FRMD3: variants seen among roughly 807,000 people sequenced by gnomAD.
FRMD3 encodes the protein FERM domain-containing protein 3.
In FRMD3, 33 loss-of-function variants were observed where a neutral mutation model predicts 70.2. That is an observed-to-expected ratio of 0.47 (90% confidence interval 0.36 to 0.63). FRMD3 has a LOEUF of 0.63. Among genes scored for constraint, FRMD3 ranks in the 20% least tolerant of loss-of-function variants. FRMD3 has a pLI of 0.00. For missense variants in FRMD3, 632 were observed against 711.4 expected (o/e 0.89, Z 1.27); for synonymous variants, 279 against 255.9 (o/e 1.09, Z -0.86).
At chr9:83,388,207 T>C (rs930882904) in intron 2 of FRMD3, among the ~76,000 whole-genome samples, 1 of 152,190 alleles carries the variant, frequency 6.6e-6, no homozygotes, top group Non-Finnish European at 1.5e-5. Context: ...AAATCTAATC[T>C]ATTCCTTAAA....
chr9:83,244,264 A>G (rs1831979430), downstream of FRMD3, among the ~76,000 whole-genome samples: 1 of 152,166 alleles, frequency 6.6e-6, no homozygotes, highest in Non-Finnish European at 1.5e-5. Flanking sequence ...TTTTCTGGCC[A>G]GTGATGATAA....
chr9:83,506,867 C>G (rs1306039634), intron 1 of FRMD3, among the ~76,000 whole-genome samples: 1 of 152,096 alleles, frequency 6.6e-6, no homozygotes, highest in Non-Finnish European at 1.5e-5. Context: ...TATCCTTATT[C>G]TATAAGCTTT....
intron 1 of FRMD3, among the ~76,000 whole-genome samples, chr9:83,526,887 T>C (rs1829694990): frequency 6.6e-6 from 1 of 152,112 alleles, no homozygotes; most frequent in Non-Finnish European, 1.5e-5. Context: ...CTTTTTTTTT[T>C]TTTTTCTTTT....
intron 6 of FRMD3, among the ~76,000 whole-genome samples, chr9:83,321,714 A>G (rs1301647306): frequency 6.6e-6 from 1 of 152,204 alleles, no homozygotes; most frequent in Non-Finnish European, 1.5e-5. Context: ...GTCCAACTTC[A>G]GTTCAAAGTT....
chr9:83,392,918 GA>G (rs200588697), intron 1 of FRMD3, among the ~76,000 whole-genome samples: 6 of 150,896 alleles, frequency 4.0e-5, no homozygotes, highest in Admixed American at 2.0e-4. Context: ...ATTGAGCAGA[GA>G]AAAAAAAATC....
chr9:83,379,007 T>C (rs1350091564), intron 2 of FRMD3, among the ~76,000 whole-genome samples: 1 of 151,130 alleles, frequency 6.6e-6, no homozygotes, highest in Admixed American at 6.7e-5. Flanking sequence ...TGATTAACTG[T>C]GTGAGCCACC....
intron 13 of FRMD3, among the ~76,000 whole-genome samples, chr9:83,272,791 C>T (rs1289820322): frequency 5.3e-5 from 8 of 150,970 alleles, no homozygotes; most frequent in African/African-American, 1.9e-4. Flanking sequence ...TCTGCCCCGC[C>T]GCCCCGTCTG....
intron 1 of FRMD3, among the ~76,000 whole-genome samples, chr9:83,412,419 T>C (rs1197653162): frequency 6.6e-6 from 1 of 152,240 alleles, no homozygotes; most frequent in South Asian, 2.1e-4. Context: ...TTTTAAGATA[T>C]ATAGTATGAG....
At chr9:83,377,769 C>T (rs1825195165) in intron 2 of FRMD3, among the ~76,000 whole-genome samples, 1 of 152,126 alleles carries the variant, frequency 6.6e-6, no homozygotes, top group South Asian at 2.1e-4. Context: ...GCCAACTAAA[C>T]CTGTTTTCTT....
intron 1 of FRMD3, among the ~76,000 whole-genome samples, chr9:83,448,397 C>T (rs1237503008): frequency 6.6e-6 from 1 of 152,134 alleles, no homozygotes; most frequent in African/African-American, 2.4e-5. Flanking sequence ...ATGAGGACTA[C>T]CCCACTGCTG....
chr9:83,326,488 C>T (rs551285021), intron 6 of FRMD3, among the ~76,000 whole-genome samples: 1 of 152,240 alleles, frequency 6.6e-6, no homozygotes, highest in South Asian at 2.1e-4. Flanking sequence ...AAACTAACTG[C>T]AAATGCTCAG....
chr9:83,301,041 G>A (rs1282637146), intron 10 of FRMD3, among the ~76,000 whole-genome samples: 1 of 152,206 alleles, frequency 6.6e-6, no homozygotes, highest in African/African-American at 2.4e-5. Context: ...AGATGGGCAA[G>A]GGAGGGCACA....
At position 83,254,177 on chromosome 9, in the gene FRMD3, A is replaced by G. The variant is rs190958539; in HGVS notation, c.1196-5661T>C. Among the ~76,000 whole-genome samples, 324 of 152,232 alleles carry G rather than the reference A, an allele frequency of 2.1e-3. 2 individuals are homozygous for G. The highest frequency in any genetic ancestry group is 2.9e-3 in the Non-Finnish European group (200 of 68,020). On this transcript the variant is annotated intron_variant, in intron 13 of 13. Coordinates refer to ENST00000304195, the MANE Select transcript of FRMD3 (RefSeq NM_174938.6). ...TATACCTAATGTAAATGACAAGTTA[A>G]TGGGTGCAGTACACCAACATGGCAC...
chr9:83,295,144 T>C (rs1409185956), intron 12 of FRMD3, among the ~76,000 whole-genome samples: 1 of 152,236 alleles, frequency 6.6e-6, no homozygotes. Context: ...AGGTTTCCTT[T>C]GGGAACTACA....
intron 1 of FRMD3, among the ~76,000 whole-genome samples, chr9:83,517,628 C>G (rs1240231964): frequency 6.6e-6 from 1 of 152,068 alleles, no homozygotes; most frequent in Non-Finnish European, 1.5e-5. Context: ...GGACTCATCC[C>G]TAACTCAATA....
intron 1 of FRMD3, among the ~76,000 whole-genome samples, chr9:83,522,656 CAGGTT>C (rs1829600537): frequency 6.6e-6 from 1 of 151,324 alleles, no homozygotes; most frequent in African/African-American, 2.4e-5. Context: ...CTCCGCCTCC[CAGGTT>C]CACACCATTC....
At chr9:83,516,085 C>A (rs1829448729) in intron 1 of FRMD3, among the ~76,000 whole-genome samples, 1 of 152,116 alleles carries the variant, frequency 6.6e-6, no homozygotes. Context: ...AACCAGCTAG[C>A]ATCATAATGA....
intron 1 of FRMD3, among the ~76,000 whole-genome samples, chr9:83,514,051 C>T (rs529528089): frequency 6.6e-6 from 1 of 152,310 alleles, no homozygotes; most frequent in East Asian, 1.9e-4. Context: ...TGGGCAGACA[C>T]CGAGCTAGCT....
chr9:83,414,901 C>G (rs989555325), intron 1 of FRMD3, among the ~76,000 whole-genome samples: 2 of 152,194 alleles, frequency 1.3e-5, no homozygotes, highest in Non-Finnish European at 2.9e-5. Context: ...TAGAATAATT[C>G]AAGAAAGTTT....
Sources: gnomAD v4.1 joint callset for allele counts (sites outside exome capture counted in the v4.1 genomes callset) on GRCh38, gnomAD v4.1.1 for gene constraint, MANE v1.5 for transcripts, NCBI Gene and HGNC (gene_info 2026-07-23, HGNC 2026-07-21) for gene names.